LOC128125817: variants seen among roughly 807,000 people sequenced by gnomAD.
chr1:41,625,162 C>CAAAA, the LOC128125817 span, among the ~76,000 whole-genome samples: 37 of 71,280 alleles, frequency 5.2e-4, no homozygotes, highest in Non-Finnish European at 7.5e-4. Flanking sequence ...GATTCCAACT[C>CAAAA]AAAAAAAAAA....
At chr1:41,621,270 C>T in the LOC128125817 span, among the ~76,000 whole-genome samples, 1 of 152,234 alleles carries the variant, frequency 6.6e-6, no homozygotes, top group Non-Finnish European at 1.5e-5. Flanking sequence ...GCCCTGGAAT[C>T]TGCATTTTAA....
At chr1:41,614,454 C>T in the LOC128125817 span, among the ~76,000 whole-genome samples, 2 of 152,360 alleles carry the variant, frequency 1.3e-5, no homozygotes, top group South Asian at 4.1e-4. Context: ...CTGCCTAAGG[C>T]AAGCCTCCTT....
the LOC128125817 span, among the ~76,000 whole-genome samples, chr1:41,587,895 C>T: frequency 1.3e-5 from 2 of 152,180 alleles, no homozygotes; most frequent in Non-Finnish European, 2.9e-5. Flanking sequence ...TATGGAAGCA[C>T]CGGCATGGCC....
chr1:41,594,522 G>C, the LOC128125817 span, among the ~76,000 whole-genome samples: 17 of 152,136 alleles, frequency 1.1e-4, no homozygotes, highest in African/African-American at 3.9e-4. Flanking sequence ...CCGCCTGGCC[G>C]ATATCTTATG....
At chr1:41,595,495 G>A in the LOC128125817 span, among the ~76,000 whole-genome samples, 1 of 152,216 alleles carries the variant, frequency 6.6e-6, no homozygotes, top group South Asian at 2.1e-4. Context: ...TAATTCCACA[G>A]AGGAGTCAGC....
chr1:41,608,791 G>C, the LOC128125817 span, among the ~76,000 whole-genome samples: 6 of 152,116 alleles, frequency 3.9e-5, no homozygotes, highest in Non-Finnish European at 8.8e-5. Context: ...ATGGCTTTCA[G>C]CTGGGCACGG....
chr1:41,600,922 T>C, the LOC128125817 span, among the ~76,000 whole-genome samples: 3 of 152,304 alleles, frequency 2.0e-5, no homozygotes, highest in Admixed American at 6.5e-5. Context: ...GTGATTTTTA[T>C]GTATGGTTAA....
At chr1:41,591,898 C>A in the LOC128125817 span, among the ~76,000 whole-genome samples, 1 of 152,116 alleles carries the variant, frequency 6.6e-6, no homozygotes, top group Admixed American at 6.5e-5. Flanking sequence ...CCAACGAGAG[C>A]GGGCTGGGAA....
At chr1:41,623,827 C>T in the LOC128125817 span, among the ~76,000 whole-genome samples, 20 of 152,324 alleles carry the variant, frequency 1.3e-4, no homozygotes, top group African/African-American at 3.6e-4. Flanking sequence ...CCTGGCCCCT[C>T]GGGTATCCTT....
the LOC128125817 span, among the ~76,000 whole-genome samples, chr1:41,587,792 C>A: frequency 6.6e-6 from 1 of 152,126 alleles, no homozygotes; most frequent in Non-Finnish European, 1.5e-5. Context: ...TGCCTCTTGA[C>A]CCCCCAGCCA....
the LOC128125817 span, among the ~76,000 whole-genome samples, chr1:41,600,886 C>T: frequency 6.6e-6 from 1 of 151,984 alleles, no homozygotes; most frequent in Non-Finnish European, 1.5e-5. Context: ...AGTCTTTAAT[C>T]CATTTTGAGT....
chr1:41,621,677 T>A, the LOC128125817 span, among the ~76,000 whole-genome samples: 2 of 152,206 alleles, frequency 1.3e-5, no homozygotes, highest in African/African-American at 4.8e-5. Flanking sequence ...CACATCTGGC[T>A]AAATTTTTTA....
At chr1:41,602,999 A>G in the LOC128125817 span, among the ~76,000 whole-genome samples, 1 of 151,952 alleles carries the variant, frequency 6.6e-6, no homozygotes, top group East Asian at 1.9e-4. Flanking sequence ...GTGTCATTTA[A>G]TTTCCACATA....
chr1:41,613,011 C>T, the LOC128125817 span, among the ~76,000 whole-genome samples: 5 of 152,218 alleles, frequency 3.3e-5, no homozygotes, highest in South Asian at 2.1e-4. Flanking sequence ...TTCCAGGAAG[C>T]GCCCAAGGAA....
chr1:41,624,880 C>T, the LOC128125817 span, among the ~76,000 whole-genome samples: 1 of 152,108 alleles, frequency 6.6e-6, no homozygotes, highest in African/African-American at 2.4e-5. Flanking sequence ...ATTTAGAATT[C>T]CTTGGCCAGG....
the LOC128125817 span, among the ~76,000 whole-genome samples, chr1:41,605,374 C>T: frequency 2.4e-4 from 21 of 85,716 alleles, no homozygotes; most frequent in Admixed American, 3.1e-4. Context: ...CACGCACACG[C>T]GCACACACAC....
At chr1:41,616,903 C>G in the LOC128125817 span, among the ~76,000 whole-genome samples, 2 of 152,204 alleles carry the variant, frequency 1.3e-5, no homozygotes, top group African/African-American at 4.8e-5. Flanking sequence ...ATAATTAACT[C>G]AGTTACTGCT....
At chr1:41,617,880 C>G in the LOC128125817 span, among the ~76,000 whole-genome samples, 1 of 151,912 alleles carries the variant, frequency 6.6e-6, no homozygotes, top group East Asian at 1.9e-4. Flanking sequence ...TTCTAAGCAT[C>G]TTTTAGTTCA....
At chr1:41,594,780 A>G in the LOC128125817 span, among the ~76,000 whole-genome samples, 1 of 152,096 alleles carries the variant, frequency 6.6e-6, no homozygotes, top group African/African-American at 2.4e-5. Flanking sequence ...TAGGTTTCAC[A>G]TCCAATATTA....
Sources: gnomAD v4.1 joint callset for allele counts (sites outside exome capture counted in the v4.1 genomes callset) on GRCh38, gnomAD v4.1.1 for gene constraint, MANE v1.5 for transcripts.